The following CLEC4A variants were observed in gnomAD, a reference collection of about 807,000 sequenced individuals.
The protein encoded by CLEC4A is C-type (calcium dependent, carbohydrate-recognition domain) lectin, superfamily member 6.
Under a neutral mutation model 32.7 loss-of-function variants are expected in CLEC4A, and 27 were observed. The ratio of observed to expected loss-of-function variants is 0.83; its 90% CI spans 0.61 to 1.14. The LOEUF is 1.14. Among genes scored for constraint, CLEC4A ranks in the 50% most tolerant of loss-of-function variants. The probability of loss-of-function intolerance (pLI) is 0.00; values close to 1 mark genes in which losing one functional copy is unlikely to be tolerated. For synonymous variants in CLEC4A, 89 were observed against 93.7 expected (o/e 0.95, Z 0.29); for missense variants, 253 against 274.6 (o/e 0.92, Z 0.55).
At chr12:8,111,828 G>A in the CLEC4A span, among the ~76,000 whole-genome samples, 1 of 151,844 alleles carries the variant, frequency 6.6e-6, no homozygotes. Context: ...AATGGACTTG[G>A]TGGGTGAAAT....
At chr12:8,120,463 TC>T, upstream of CLEC4A, among the ~76,000 whole-genome samples, 3 of 152,194 alleles carry the variant, frequency 2.0e-5, no homozygotes, top group East Asian at 5.8e-4. Context: ...GGGAACAAAA[TC>T]CAGGCAAATT....
intron 3 of CLEC4A, among the ~76,000 whole-genome samples, chr12:8,132,810 T>C (rs1212128066): frequency 1.3e-5 from 2 of 152,250 alleles, no homozygotes; most frequent in Non-Finnish European, 2.9e-5. Context: ...TTTGCAGCTT[T>C]GTTTGGTGTA....
rs2120655003 is a variant in CLEC4A, at chr12:8,138,564, G to T, written c.*277G>T. On this transcript the variant is annotated 3_prime_UTR_variant, in exon 6 of 6. Transcript: ENST00000229332. The stretch of plus-strand genomic sequence containing the variant: ...AGTCTCTCTTAATTTTTATCTGGTT[G>T]CTAAAGAATTATTTACCAATAAAAT... 1 of 243,566 alleles carries T rather than the reference G, an allele frequency of 4.1e-6. No homozygotes were observed. Among genetic ancestry groups the T allele is most frequent in the Non-Finnish European group, 7.8e-6 (1 of 127,870 alleles). The allele number at this position is 243,566 out of a possible 1,614,324, so 15.1% of individuals were successfully genotyped here. A position where few individuals can be genotyped will look rare whatever the true frequency, so the allele number is the denominator to read the frequency against.
chr12:8,128,053 TATG>T (rs1337736394), intron 2 of CLEC4A, among the ~76,000 whole-genome samples: 74 of 152,150 alleles, frequency 4.9e-4, no homozygotes, highest in African/African-American at 1.8e-3. Flanking sequence ...CGTGGGAATA[TATG>T]ATATCACTCA....
At chr12:8,121,300 T>C (rs1947828648), upstream of CLEC4A, 1 of 152,244 alleles carries the variant, frequency 6.6e-6, no homozygotes, top group Non-Finnish European at 1.5e-5. Flanking sequence ...AGGGAATATG[T>C]GTGCATGTAT....
the CLEC4A span, among the ~76,000 whole-genome samples, chr12:8,105,961 C>G: frequency 3.9e-5 from 6 of 152,166 alleles, no homozygotes; most frequent in South Asian, 1.2e-3. Flanking sequence ...AAATCTTTGC[C>G]CATTCCTATG....
At chr12:8,106,316 C>T in the CLEC4A span, among the ~76,000 whole-genome samples, 20 of 152,166 alleles carry the variant, frequency 1.3e-4, no homozygotes, top group Middle Eastern at 3.4e-3. Context: ...TGAAGTCAGG[C>T]GACACAATGC....
chr12:8,111,178 C>CTTTTTT, the CLEC4A span, among the ~76,000 whole-genome samples: 2 of 100,326 alleles, frequency 2.0e-5, no homozygotes, highest in Admixed American at 1.1e-4. Flanking sequence ...GGCCCAACAT[C>CTTTTTT]TTTTTTTTTT....
intron 3 of CLEC4A, among the ~76,000 whole-genome samples, chr12:8,133,367 T>C (rs371718986): frequency 6.6e-6 from 1 of 152,166 alleles, no homozygotes; most frequent in East Asian, 1.9e-4. Flanking sequence ...GTCTAGTTTG[T>C]TTCTGTTGCT....
rs773020133 is a variant in CLEC4A, at chr12:8,136,773, C to T, written c.451-15C>T. The T allele has an allele frequency of 1.3e-6, 2 of 1,537,116 alleles. No individual in the cohort carries two copies. The highest frequency in any genetic ancestry group is 3.3e-5 in the Admixed American group (2 of 59,796). On this transcript the variant is annotated splice_polypyrimidine_tract_variant and intron_variant, in intron 4 of 5. Transcript: ENST00000229332. The stretch of plus-strand genomic sequence containing the variant: ...AATACTGTAAAGGCTGTGACTCCTT[C>T]TTTTCCCCCCTCAGGATTTCATCTT...
intron 3 of CLEC4A, chr12:8,134,777 C>G: frequency 1.3e-6 from 2 of 1,553,598 alleles, no homozygotes; most frequent in Non-Finnish European, 1.7e-6. Flanking sequence ...AGCCCGGCTC[C>G]GGCCCCCCTG....
At chr12:8,116,035 A>G in the CLEC4A span, among the ~76,000 whole-genome samples, 2 of 151,374 alleles carry the variant, frequency 1.3e-5, no homozygotes, top group African/African-American at 4.9e-5. Flanking sequence ...ATCTCGGCTT[A>G]CCACAACCTC....
upstream of CLEC4A, among the ~76,000 whole-genome samples, chr12:8,122,666 C>G (rs1947844177): frequency 6.6e-6 from 1 of 151,964 alleles, no homozygotes; most frequent in South Asian, 2.1e-4. Context: ...AAGCAGGTTT[C>G]TTAGTGTCAC....
chr12:8,133,016 G>A (rs754896422), intron 3 of CLEC4A, among the ~76,000 whole-genome samples: 33 of 152,180 alleles, frequency 2.2e-4, no homozygotes, highest in Non-Finnish European at 4.3e-4. Flanking sequence ...CTGGGTTCAA[G>A]CGATTCTCTT....
At chr12:8,134,337 C>A in intron 3 of CLEC4A, 1 of 1,611,766 alleles carries the variant, frequency 6.2e-7, no homozygotes, top group Non-Finnish European at 8.5e-7. Context: ...CCAAATAGAA[C>A]CCCCAGGGTG....
the CLEC4A span, among the ~76,000 whole-genome samples, chr12:8,114,176 T>C: frequency 6.6e-6 from 1 of 152,178 alleles, no homozygotes; most frequent in African/African-American, 2.4e-5. Context: ...TGCCCTAAAA[T>C]TGGCTAGTAG....
chr12:8,134,995 TAATCATGGCTG>T (rs1948081562), intron 3 of CLEC4A: 1 of 226,264 alleles, frequency 4.4e-6, no homozygotes, highest in Non-Finnish European at 7.0e-6. Context: ...TGTTTTTTTT[TAATCATGGCTG>T]CTTTTAAATC....
In CLEC4A at chr12:8,125,818, C is replaced by T; in HGVS notation, c.199+141C>T. On this transcript the variant is annotated intron_variant, in intron 2 of 5. Coordinates refer to ENST00000229332, the MANE Select transcript of CLEC4A (RefSeq NM_016184.4). ...TGGGGAGACATAATTCATGGGAATC[C>T]ACTGTGAATTTTGCTCTTTATTTGG... 1.1e-5 allele frequency: 7 copies of T among 628,272 alleles called. No homozygotes were observed. In the South Asian group the frequency reaches 1.4e-4, roughly 12 times the overall value. The allele number at this position is 628,272 out of a possible 1,614,324, so 38.9% of individuals were successfully genotyped here.
At chr12:8,123,579 C>T (rs762484650), upstream of CLEC4A, 24 of 242,130 alleles carry the variant, frequency 9.9e-5, no homozygotes, top group African/African-American at 3.4e-4. Flanking sequence ...TTCCTCTTTC[C>T]GCAACCCTTT....
Sources: gnomAD v4.1 joint callset for allele counts (sites outside exome capture counted in the v4.1 genomes callset) on GRCh38, gnomAD v4.1.1 for gene constraint, MANE v1.5 for transcripts, NCBI Gene and HGNC (gene_info 2026-07-23, HGNC 2026-07-21) for gene names.